The following SEMA6D variants were observed in gnomAD, a reference collection of about 807,000 sequenced individuals.
The protein encoded by SEMA6D is semaphorin 6D, also known as semaphorin-6D.
A neutral mutation model predicts 106.6 loss-of-function variants in SEMA6D; 35 were observed. The observed-to-expected ratio is 0.33, with a 90% CI of 0.25 to 0.44. The LOEUF (loss-of-function observed/expected upper bound fraction) is 0.44. SEMA6D is among the 20% of genes least tolerant of loss of function. The pLI, the probability that SEMA6D is intolerant of heterozygous loss-of-function variation, is 1.00. For missense variants in SEMA6D, 1,185 were observed against 1,345.9 expected (o/e 0.88, Z 1.87); for synonymous variants, 499 against 487.7 (o/e 1.02, Z -0.31).
At chr15:47,256,247 A>C (rs1405823782) in intron 1 of SEMA6D, among the ~76,000 whole-genome samples, 1 of 152,184 alleles carries the variant, frequency 6.6e-6, no homozygotes, top group Non-Finnish European at 1.5e-5. Flanking sequence ...AAATTTCAAA[A>C]ATGTACTGAG....
intron 3 of SEMA6D, among the ~76,000 whole-genome samples, chr15:47,479,437 A>G (rs141716373): frequency 0.012 from 1,902 of 152,268 alleles, 36 homozygotes; most frequent in African/African-American, 0.044. Flanking sequence ...TCTGAAGGCT[A>G]GACCCAGTCA....
At chr15:47,373,540 A>C (rs1434694986) in intron 1 of SEMA6D, among the ~76,000 whole-genome samples, 1 of 152,108 alleles carries the variant, frequency 6.6e-6, no homozygotes, top group African/African-American at 2.4e-5. Context: ...GAGGATGAGA[A>C]AGTGAGAAAG....
chr15:47,668,577 A>G (rs983170241), intron 4 of SEMA6D, among the ~76,000 whole-genome samples: 2 of 152,194 alleles, frequency 1.3e-5, no homozygotes, highest in African/African-American at 4.8e-5. Flanking sequence ...TCAAGAAGCC[A>G]AAGGCATGCC....
chr15:47,591,651 G>GC (rs1383376816), intron 3 of SEMA6D, among the ~76,000 whole-genome samples: 1 of 152,186 alleles, frequency 6.6e-6, no homozygotes, highest in East Asian at 1.9e-4. Flanking sequence ...AATTTAATTA[G>GC]CAGGTTAAGC....
intron 1 of SEMA6D, among the ~76,000 whole-genome samples, chr15:47,294,228 A>ATCTC (rs111499790): frequency 0.011 from 1,669 of 151,270 alleles, 21 homozygotes; most frequent in African/African-American, 0.035. Flanking sequence ...GTTTATTTAA[A>ATCTC]TCTCTCTCTC....
chr15:47,744,313 C>T (rs1435885660), intron 1 of SEMA6D, among the ~76,000 whole-genome samples: 1 of 152,144 alleles, frequency 6.6e-6, no homozygotes, highest in Non-Finnish European at 1.5e-5. Context: ...GAGAGCTAGG[C>T]ACCCCAATCC....
intron 1 of SEMA6D, among the ~76,000 whole-genome samples, chr15:47,211,325 T>C (rs1162137139): frequency 6.6e-6 from 1 of 152,196 alleles, no homozygotes; most frequent in African/African-American, 2.4e-5. Flanking sequence ...TTCATTCTCT[T>C]TAATGGCTAC....
chr15:47,701,994 A>G (rs915251649), intron 4 of SEMA6D, among the ~76,000 whole-genome samples: 3 of 152,206 alleles, frequency 2.0e-5, no homozygotes, highest in East Asian at 1.9e-4. Flanking sequence ...AAACTAGTCA[A>G]AAGTGTTTCC....
chr15:47,765,900 G>A lies in SEMA6D; in HGVS notation c.1459G>A (p.Val487Ile), dbSNP rs1438189089. Residue 487 changes from valine (V) to isoleucine (I), a missense_variant, in exon 14 of 19, where the codon GTC becomes ATC. Transcript: ENST00000536845. ...TGCTGAGAATGAGGAAGACAAAAAG[G>A]TCATCTCATTACAGTTGGATAAAGA... ...CSAENEEDKKVISLQLDKDHH... is the reference protein window; with the variant it reads ...CSAENEEDKKIISLQLDKDHH... 3.9e-6 allele frequency: 6 copies of A among 1,532,128 alleles called. No homozygotes were observed. The highest frequency in any genetic ancestry group is 2.8e-5 in the African/African-American group (2 of 72,008). 94.9% of individuals were successfully genotyped at this position (1,532,128 alleles called of 1,614,324 possible).
intron 1 of SEMA6D, among the ~76,000 whole-genome samples, chr15:47,393,921 T>G (rs1474774298): frequency 6.6e-5 from 10 of 152,228 alleles, no homozygotes. Context: ...GGAGAAGGTA[T>G]AATTAATGCT....
At chr15:47,391,823 T>G (rs1213328918) in intron 1 of SEMA6D, among the ~76,000 whole-genome samples, 1 of 152,120 alleles carries the variant, frequency 6.6e-6, no homozygotes, top group African/African-American at 2.4e-5. Flanking sequence ...AGTTTGATAG[T>G]TGGTACATTT....
chr15:47,437,707 T>C (rs2041763741), intron 2 of SEMA6D, among the ~76,000 whole-genome samples: 1 of 152,142 alleles, frequency 6.6e-6, no homozygotes, highest in African/African-American at 2.4e-5. Context: ...CTGTGCAGCA[T>C]TGATTTGTCT....
At position 47,351,500 on chromosome 15, in the gene SEMA6D, G is replaced by A. The variant is rs532321359; in HGVS notation, c.-238-60893G>A. Among the ~76,000 whole-genome samples the A allele has an allele frequency of 5.9e-5, 9 of 152,216 alleles. No homozygotes were observed. The South Asian group carries it at 1.9e-3, about 32-fold the overall frequency. ...TCTGCAGAACAACCCCATAAGGTAG[G>A]TGCTATTGTTATTCCTGATTCAGCT... On this transcript the variant is annotated intron_variant, in intron 1 of 19. Coordinates refer to the SEMA6D transcript ENST00000558014.
Position 47,269,136 on chromosome 15 carries a change from A to G in SEMA6D, c.-239+84718A>G, listed in dbSNP as rs530099180. Among the ~76,000 whole-genome samples the G allele has an allele frequency of 1.1e-4, 17 of 152,138 alleles. No individual in the cohort carries two copies. In the South Asian group the frequency reaches 3.5e-3, roughly 32 times the overall value. On this transcript the variant is annotated intron_variant, in intron 1 of 19. Coordinates refer to the SEMA6D transcript ENST00000558014. ...TATATTATGTTTTTATGTATGCTTTATTTTTTTAAATGTTAGTTTACTCAA... is the reference window on the plus strand; with the variant it reads ...TATATTATGTTTTTATGTATGCTTTGTTTTTTTAAATGTTAGTTTACTCAA...
At chr15:47,411,440 AT>A (rs1376933382) in intron 1 of SEMA6D, among the ~76,000 whole-genome samples, 10 of 152,274 alleles carry the variant, frequency 6.6e-5, no homozygotes, top group Admixed American at 3.9e-4. Context: ...GTTCTGCTTC[AT>A]TTTATTGAAA....
intron 2 of SEMA6D, among the ~76,000 whole-genome samples, chr15:47,460,414 C>T (rs576019353): frequency 9.9e-5 from 15 of 151,906 alleles, no homozygotes; most frequent in South Asian, 2.1e-4. Context: ...TAGAGTAGTC[C>T]GAGAAATCAT....
chr15:47,259,907 G>T (rs2033988947), intron 1 of SEMA6D, among the ~76,000 whole-genome samples: 1 of 150,864 alleles, frequency 6.6e-6, no homozygotes, highest in Non-Finnish European at 1.5e-5. Context: ...TTGTTGTTCA[G>T]ATGGGGTAAA....
chr15:47,329,791 C>A (rs978179532), intron 1 of SEMA6D, among the ~76,000 whole-genome samples: 2 of 152,174 alleles, frequency 1.3e-5, no homozygotes, highest in African/African-American at 4.8e-5. Flanking sequence ...TGTTTTTTAA[C>A]AAGATCTTTC....
At chr15:47,692,616 A>C (rs2078613797) in intron 4 of SEMA6D, among the ~76,000 whole-genome samples, 1 of 152,188 alleles carries the variant, frequency 6.6e-6, no homozygotes, top group Non-Finnish European at 1.5e-5. Context: ...GCTCAAAGCA[A>C]AGCAGACTCA....
Sources: allele counts gnomAD v4.1 joint callset (sites outside exome capture counted in the v4.1 genomes callset), GRCh38; gene constraint gnomAD v4.1.1; transcripts MANE v1.5; gene names NCBI Gene and HGNC (gene_info 2026-07-23, HGNC 2026-07-21).